Variants in ROBO1 observed in about 807,000 individuals in gnomAD.
ROBO1 encodes roundabout homolog 1.
In ROBO1, 149 loss-of-function variants were observed where a neutral mutation model predicts 195.9. That is an observed-to-expected ratio of 0.76 (90% confidence interval 0.67 to 0.87). The LOEUF (loss-of-function observed/expected upper bound fraction) is 0.87, where lower values mean the gene tolerates loss of function less well. Ranked by LOEUF, ROBO1 falls within the 40% of genes least tolerant of loss-of-function variation. The pLI, the probability that ROBO1 is intolerant of heterozygous loss-of-function variation, is 0.00. For missense variants in ROBO1, 1,933 were observed against 2,068.3 expected, an observed-to-expected ratio of 0.93 and a Z score of 1.27; for synonymous variants, 816 against 733.2, an observed-to-expected ratio of 1.11 and a Z score of -1.82.
At chr3:79,653,006 C>T (rs1344579303) in intron 1 of ROBO1, among the ~76,000 whole-genome samples, 1 of 151,796 alleles carries the variant, frequency 6.6e-6, no homozygotes, top group East Asian at 1.9e-4. Flanking sequence ...CCTCAATAAT[C>T]ACTAAATATG....
intron 2 of ROBO1, among the ~76,000 whole-genome samples, chr3:79,375,598 G>C (rs1007534509): frequency 6.6e-6 from 1 of 152,192 alleles, no homozygotes; most frequent in Non-Finnish European, 1.5e-5. Context: ...CCCAGCCAAG[G>C]TTGCATTTCA....
chr3:79,431,926 A>G (rs1575817529), intron 2 of ROBO1, among the ~76,000 whole-genome samples: 1 of 152,208 alleles, frequency 6.6e-6, no homozygotes. Context: ...GGGACTAAGG[A>G]CAAAGTAAAT....
chr3:78,858,564 CAAAAAAAAAAAA>C (rs554355096), intron 4 of ROBO1, among the ~76,000 whole-genome samples: 3 of 96,512 alleles, frequency 3.1e-5, no homozygotes, highest in East Asian at 3.3e-4. Context: ...CCCTGTCTAC[CAAAAAAAAAAAA>C]AAAAAAAAAG....
intron 1 of ROBO1, among the ~76,000 whole-genome samples, chr3:79,590,263 C>T (rs73849631): frequency 0.024 from 3,579 of 151,584 alleles, 94 homozygotes; most frequent in African/African-American, 0.066. Flanking sequence ...TTTGATTTCC[C>T]ACCAATTTAG....
chr3:78,628,073 C>A (rs1483441529), intron 25 of ROBO1, among the ~76,000 whole-genome samples: 1 of 151,890 alleles, frequency 6.6e-6, no homozygotes, highest in Non-Finnish European at 1.5e-5. Context: ...TTTGGCTCAG[C>A]CTCCTGAGTA....
chr3:79,160,805 C>T (rs995599763), intron 2 of ROBO1, among the ~76,000 whole-genome samples: 1 of 152,002 alleles, frequency 6.6e-6, no homozygotes, highest in African/African-American at 2.4e-5. Flanking sequence ...TAAGAGCACT[C>T]AGTAACAACA....
chr3:78,599,186 A>G (rs533335305), intron 30 of ROBO1, among the ~76,000 whole-genome samples: 1 of 152,242 alleles, frequency 6.6e-6, no homozygotes, highest in East Asian at 1.9e-4. Flanking sequence ...AGAAGCGGGA[A>G]GGAATGTGTT....
intron 10 of ROBO1, among the ~76,000 whole-genome samples, chr3:78,679,119 TCAA>T (rs1371385248): frequency 2.0e-5 from 3 of 152,130 alleles, no homozygotes; most frequent in Non-Finnish European, 4.4e-5. Context: ...TTGACAAAAT[TCAA>T]CAACACTTCA....
intron 1 of ROBO1, among the ~76,000 whole-genome samples, chr3:79,611,031 G>T (rs1216666081): frequency 6.6e-6 from 1 of 151,984 alleles, no homozygotes. Flanking sequence ...AATATGAATG[G>T]ATGTACCATT....
chr3:79,322,214 T>C (rs2034011111), intron 2 of ROBO1, among the ~76,000 whole-genome samples: 1 of 152,218 alleles, frequency 6.6e-6, no homozygotes, highest in Non-Finnish European at 1.5e-5. Context: ...TCAGGTACTA[T>C]GGTAATACAA....
chr3:79,278,408 A>AC (rs201156163), intron 2 of ROBO1, among the ~76,000 whole-genome samples: 3 of 151,672 alleles, frequency 2.0e-5, no homozygotes, highest in African/African-American at 2.4e-5. Flanking sequence ...AAACAAACAA[A>AC]AAAGCTGGAG....
At chr3:78,945,056 G>A (rs1006412404) in intron 3 of ROBO1, among the ~76,000 whole-genome samples, 2 of 152,196 alleles carry the variant, frequency 1.3e-5, no homozygotes, top group African/African-American at 4.8e-5. Context: ...ACAGCTCAAG[G>A]AGGCCTGCCT....
chr3:78,647,852 T>C (rs532382979), intron 19 of ROBO1, among the ~76,000 whole-genome samples, 197 bp from the exon 20 acceptor site: 1 of 152,182 alleles, frequency 6.6e-6, no homozygotes, highest in East Asian at 1.9e-4. Flanking sequence ...AGGTACCATT[T>C]TGAAGTGTCT....
At chr3:79,709,283 A>C (rs1239096992) in intron 1 of ROBO1, among the ~76,000 whole-genome samples, 3 of 150,790 alleles carry the variant, frequency 2.0e-5, no homozygotes. Context: ...ATTACAGCTA[A>C]AAAATATACA....
At chr3:78,908,406 TG>T (rs1211514066) in intron 4 of ROBO1, among the ~76,000 whole-genome samples, 1 of 151,948 alleles carries the variant, frequency 6.6e-6, no homozygotes, top group East Asian at 1.9e-4. Context: ...ACTTGTGCGT[TG>T]CGGTAAATAT....
intron 2 of ROBO1, among the ~76,000 whole-genome samples, chr3:79,532,503 A>C (rs186981075): frequency 6.6e-6 from 1 of 152,194 alleles, no homozygotes. Flanking sequence ...TAAATAGGTC[A>C]GGCGTGGATG....
At position 78,799,041 on chromosome 3, in the gene ROBO1, G is replaced by A. The variant is rs541663452; in HGVS notation, c.500-52141C>T. 5.9e-5 allele frequency among the ~76,000 whole-genome samples: 9 copies of A among 152,288 alleles called. No homozygotes were observed. In the East Asian group the frequency reaches 1.5e-3, roughly 26 times the overall value. ...TTGGATGATTTTATACTGGAGTTGA[G>A]AGTGATGATATGATAGATTATTATC... On this transcript the variant is annotated intron_variant, in intron 4 of 30. Transcript: ENST00000464233.
At chr3:79,343,216 A>G (rs2034980019) in intron 2 of ROBO1, among the ~76,000 whole-genome samples, 1 of 152,154 alleles carries the variant, frequency 6.6e-6, no homozygotes, top group African/African-American at 2.4e-5. Context: ...GTCTGGATTT[A>G]TTTATCCATT....
intron 2 of ROBO1, among the ~76,000 whole-genome samples, chr3:79,176,514 G>A (rs2081264129): frequency 6.6e-6 from 1 of 152,152 alleles, no homozygotes; most frequent in Non-Finnish European, 1.5e-5. Context: ...CTGGGGTGCA[G>A]TGGCATGATC....
Sources: gnomAD v4.1 joint callset for allele counts (sites outside exome capture counted in the v4.1 genomes callset) on GRCh38, gnomAD v4.1.1 for gene constraint, MANE v1.5 for transcripts, NCBI Gene and HGNC (gene_info 2026-07-23, HGNC 2026-07-21) for gene names.